Variants in MRTFB observed in about 807,000 individuals in gnomAD.
The protein encoded by MRTFB is myocardin-related transcription factor B.
Under a neutral mutation model 104.2 loss-of-function variants are expected in MRTFB, and 29 were observed. The ratio of observed to expected loss-of-function variants is 0.28; its 90% CI spans 0.21 to 0.38. MRTFB has a LOEUF of 0.38. Among genes scored for constraint, MRTFB ranks in the 10% least tolerant of loss-of-function variants. MRTFB has a pLI of 1.00. For missense variants in MRTFB, 1,270 were observed against 1,341.6 expected, an observed-to-expected ratio of 0.95 and a Z score of 0.83; for synonymous variants, 535 against 519.5, an observed-to-expected ratio of 1.03 and a Z score of -0.41.
At chr16:14,071,391 T>C in intron 1 of MRTFB, 26 bp downstream of exon 1, 1 of 136,028 alleles carries the variant, frequency 7.4e-6, no homozygotes, top group Middle Eastern at 3.3e-3. Context: ...TGGCGGCCGT[T>C]GGGGGCTGAG....
At chr16:14,198,198 G>C (rs1488961479) in intron 3 of MRTFB, among the ~76,000 whole-genome samples, 1 of 152,122 alleles carries the variant, frequency 6.6e-6, no homozygotes, top group Non-Finnish European at 1.5e-5. Context: ...CCATTGTATG[G>C]ATATGCCACA....
At chr16:14,236,841 A>G (rs760021300) in intron 9 of MRTFB, among the ~76,000 whole-genome samples, 7 of 152,210 alleles carry the variant, frequency 4.6e-5, no homozygotes, top group Non-Finnish European at 1.0e-4. Flanking sequence ...CAAAGGTAGA[A>G]GCAGAGACAG....
At chr16:14,018,728 CG>C in the MRTFB span, among the ~76,000 whole-genome samples, 1 of 152,122 alleles carries the variant, frequency 6.6e-6, no homozygotes, top group African/African-American at 2.4e-5. Flanking sequence ...AGGATCATTG[CG>C]CTTTCAAAGT....
chr16:14,183,638 AC>A (rs1334743187), intron 3 of MRTFB, among the ~76,000 whole-genome samples: 3 of 152,110 alleles, frequency 2.0e-5, no homozygotes, highest in African/African-American at 7.2e-5. Context: ...GGAATTACAC[AC>A]CTGAACACTT....
intron 3 of MRTFB, among the ~76,000 whole-genome samples, chr16:14,178,021 G>C (rs2150997746): frequency 6.6e-6 from 1 of 151,912 alleles, no homozygotes; most frequent in South Asian, 2.1e-4. Context: ...GAAATGGAAA[G>C]TCCAAATCTT....
the MRTFB span, among the ~76,000 whole-genome samples, chr16:14,050,328 G>A: frequency 1.3e-5 from 2 of 152,090 alleles, no homozygotes; most frequent in African/African-American, 2.4e-5. Context: ...AAATAAAAAC[G>A]CTCCTAAATT....
chr16:14,167,592 G>T (rs2039287434), intron 3 of MRTFB, among the ~76,000 whole-genome samples: 2 of 152,124 alleles, frequency 1.3e-5, no homozygotes. Context: ...CCTATGTCCT[G>T]AATGGTATTG....
At chr16:14,151,321 T>C (rs530909681) in intron 3 of MRTFB, 1 of 152,326 alleles carries the variant, frequency 6.6e-6, no homozygotes, top group African/African-American at 2.4e-5. Context: ...CATACCTAAC[T>C]TTTTCTTAAT....
At chr16:14,096,037 T>G (rs144989000) in intron 2 of MRTFB, among the ~76,000 whole-genome samples, 5 of 150,916 alleles carry the variant, frequency 3.3e-5, no homozygotes, top group African/African-American at 9.7e-5. Flanking sequence ...CATGACAGTT[T>G]AGAGGCAAGC....
chr16:14,120,637 T>C (rs1315705484), intron 2 of MRTFB, among the ~76,000 whole-genome samples: 1 of 152,248 alleles, frequency 6.6e-6, no homozygotes, highest in East Asian at 1.9e-4. Flanking sequence ...TAATACATTC[T>C]TTTAAAATAA....
chr16:14,231,702 T>C (rs769366808), intron 8 of MRTFB, among the ~76,000 whole-genome samples: 2 of 152,182 alleles, frequency 1.3e-5, no homozygotes, highest in Non-Finnish European at 2.9e-5. Flanking sequence ...GATACTCTTT[T>C]AATCCTTTTT....
Position 14,140,748 on chromosome 16 carries a change from G to C in MRTFB, c.142G>C (p.Glu48Gln). Residue 48 changes from glutamate to glutamine, a missense_variant, in exon 3 of 17, where the codon GAA (glutamate) becomes CAA (glutamine). Glu to Gln is a conservative substitution (Grantham distance 29). This residue lies in a region of MRTFB where 62 missense variants were observed against 57.2 expected (regional missense o/e 1.08). Transcript: ENST00000571589. The stretch of plus-strand genomic sequence containing the variant: ...CAGTCAAAACTTACCCCCTCTGAAC[G>C]AAAGGAAAAATGGTGAGTTCAGCAT... The part of the protein sequence containing the change: ...QSSQNLPPLN[E>Q]RKNVLQLRLQ... 6.2e-7 allele frequency: 1 copy of C among 1,613,946 alleles called. No homozygotes were observed. The highest frequency in any genetic ancestry group is 1.1e-5 in the South Asian group (1 of 91,048).
chr16:14,166,218 T>C, intron 3 of MRTFB, among the ~76,000 whole-genome samples: 1 of 90,052 alleles, frequency 1.1e-5, no homozygotes, highest in African/African-American at 6.8e-5. Flanking sequence ...TTTTCTTTTC[T>C]TTTTTTTTTT....
intron 10 of MRTFB, chr16:14,240,779 G>T (rs1317789488): frequency 3.8e-5 from 29 of 763,182 alleles, no homozygotes; most frequent in Non-Finnish European, 6.5e-5. Flanking sequence ...AGTACTAGAT[G>T]CTCTGAGAAA....
At chr16:14,186,607 T>G in intron 3 of MRTFB, 1 of 850,140 alleles carries the variant, frequency 1.2e-6, no homozygotes, top group Non-Finnish European at 1.5e-6. Flanking sequence ...GAAGCTGGAA[T>G]GGCAAGGGAA....
chr16:14,040,741 G>A, the MRTFB span, among the ~76,000 whole-genome samples: 2 of 152,224 alleles, frequency 1.3e-5, no homozygotes, highest in African/African-American at 4.8e-5. Context: ...GGGATTACAG[G>A]TGCAAGCCAC....
At chr16:14,126,329 T>C (rs1009356759) in intron 2 of MRTFB, among the ~76,000 whole-genome samples, 1 of 152,172 alleles carries the variant, frequency 6.6e-6, no homozygotes, top group Non-Finnish European at 1.5e-5. Context: ...TTTCAACCTC[T>C]GTTACTTTAA....
At chr16:14,063,786 A>G in the MRTFB span, among the ~76,000 whole-genome samples, 1 of 152,214 alleles carries the variant, frequency 6.6e-6, no homozygotes, top group East Asian at 1.9e-4. Flanking sequence ...TGAGATGTCC[A>G]TGCTGCAAAG....
chr16:14,019,419 A>G, the MRTFB span: 1 of 152,196 alleles, frequency 6.6e-6, no homozygotes, highest in Non-Finnish European at 1.5e-5. Flanking sequence ...ACATGGTAAG[A>G]CCAGTGAATT....
Sources: gnomAD v4.1 joint callset for allele counts (sites outside exome capture counted in the v4.1 genomes callset) on GRCh38, gnomAD v4.1.1 for gene constraint, gnomAD v4.1.1 regional missense constraint, MANE v1.5 for transcripts, NCBI Gene and HGNC (gene_info 2026-07-23, HGNC 2026-07-21) for gene names.